SULT2B1: variants seen among roughly 807,000 people sequenced by gnomAD.
SULT2B1 encodes sulfotransferase family 2B member 1.
SULT2B1 carries 16 observed loss-of-function variants against 33.2 expected under a neutral mutation model. That is an observed-to-expected ratio of 0.48 (90% CI 0.33 to 0.73). The LOEUF (loss-of-function observed/expected upper bound fraction) is 0.73. Among genes scored for constraint, SULT2B1 ranks in the 30% least tolerant of loss-of-function variants. The pLI, the probability that SULT2B1 is intolerant of heterozygous loss-of-function variation, is 0.02. For missense variants in SULT2B1, 500 were observed against 506.0 expected, an observed-to-expected ratio of 0.99 and a Z score of 0.11; for synonymous variants, 186 against 200.5, an observed-to-expected ratio of 0.93 and a Z score of 0.61.
intron 1 of SULT2B1, among the ~76,000 whole-genome samples, chr19:48,553,374 A>C (rs1973052706): frequency 6.6e-6 from 1 of 152,142 alleles, no homozygotes; most frequent in Non-Finnish European, 1.5e-5. Flanking sequence ...ATGGCACGAT[A>C]TCAGCTCACT....
chr19:48,587,370 C>A lies in SULT2B1; in HGVS notation c.356C>A (p.Pro119His). 1 of 1,614,074 alleles carries A rather than the reference C, an allele frequency of 6.2e-7. No individual in the cohort carries two copies. The highest frequency in any genetic ancestry group is 8.5e-7 in the Non-Finnish European group (1 of 1,180,008). The part of the protein sequence containing the change: ...GAFSLPDQYS[P>H]RLMSSHLPIQ... The stretch of plus-strand genomic sequence containing the variant: ...TTCAGCCTCCCGGACCAGTACAGCC[C>A]CCGCCTCATGAGCTCCCATCTTCCC... The change falls in exon 3 of 7, where the codon CCC becomes CAC. Residue 119 changes from proline to histidine, a missense_variant. Pro to His is a moderately conservative substitution (Grantham distance 77, BLOSUM62 -2). Coordinates refer to ENST00000201586, the MANE Select transcript of SULT2B1 (RefSeq NM_177973.2).
chr19:48,573,923 G>C (rs185523439), intron 1 of SULT2B1, among the ~76,000 whole-genome samples: 13 of 152,044 alleles, frequency 8.6e-5, no homozygotes, highest in Non-Finnish European at 1.8e-4. Context: ...GTGCAGTGGC[G>C]CAATCTCAGC....
intron 1 of SULT2B1, among the ~76,000 whole-genome samples, chr19:48,558,690 T>TTTG (rs1199805584): frequency 1.4e-5 from 2 of 143,524 alleles, no homozygotes; most frequent in African/African-American, 2.6e-5. Context: ...TTTTTTTTTT[T>TTTG]TTTTTTTTTT....
At chr19:48,598,935 A>G (rs1973759897) in intron 6 of SULT2B1, among the ~76,000 whole-genome samples, 200 bp from the exon 7 acceptor site, 1 of 151,950 alleles carries the variant, frequency 6.6e-6, no homozygotes, top group Non-Finnish European at 1.5e-5. Flanking sequence ...CGGAGGTGAG[A>G]ACGGCGCCAG....
intron 1 of SULT2B1, among the ~76,000 whole-genome samples, chr19:48,572,513 C>CAA (rs35503043): frequency 2.7e-5 from 4 of 150,542 alleles, no homozygotes; most frequent in Non-Finnish European, 4.4e-5. Flanking sequence ...GACTCCATCT[C>CAA]AAAAAAAATT....
chr19:48,573,856 G>A (rs192336758), intron 1 of SULT2B1, among the ~76,000 whole-genome samples: 156 of 152,070 alleles, frequency 1.0e-3, no homozygotes, highest in African/African-American at 3.6e-3. Flanking sequence ...CACGACAATT[G>A]GTTTGTTTCT....
intron 1 of SULT2B1, among the ~76,000 whole-genome samples, chr19:48,562,516 T>C (rs1973195559): frequency 6.6e-6 from 1 of 152,082 alleles, no homozygotes; most frequent in Admixed American, 6.6e-5. Flanking sequence ...CACACCATTG[T>C]ACTGCAGCCT....
At chr19:48,575,170 A>G (rs4801766) in intron 1 of SULT2B1, among the ~76,000 whole-genome samples, 74,511 of 138,284 alleles carry the variant, frequency 0.54, 19,670 homozygotes, top group African/African-American at 0.61. Context: ...GTGCAATGGC[A>G]CAGTCTCGGC....
chr19:48,585,759 A>C (rs1401468683), intron 2 of SULT2B1, among the ~76,000 whole-genome samples: 1 of 152,172 alleles, frequency 6.6e-6, no homozygotes, highest in Non-Finnish European at 1.5e-5. Flanking sequence ...CAGCACACCA[A>C]CATGGCACAT....
rs373714154 is a variant in SULT2B1, at chr19:48,559,223, G to A, written c.71+6900G>A. On this transcript the variant is annotated intron_variant, in intron 1 of 6. Transcript: ENST00000201586. ...CCTTGAAGAGTGAGGGACAGGATGC[G>A]TTTTCCTTTCCACTCGCTCTTTGGG... is the stretch of plus-strand genomic sequence containing the variant. Among the ~76,000 whole-genome samples the A allele has an allele frequency of 1.1e-4, 17 of 152,222 alleles. No homozygotes were observed. In the East Asian group the frequency reaches 2.5e-3, roughly 22 times the overall value.
intron 5 of SULT2B1, among the ~76,000 whole-genome samples, chr19:48,595,434 T>C (rs1377228901): frequency 6.6e-6 from 1 of 152,030 alleles, no homozygotes; most frequent in Non-Finnish European, 1.5e-5. Context: ...AAGCTGATGG[T>C]GGGATCGGCA....
chr19:48,586,640 TG>T (rs1339563388), intron 2 of SULT2B1, among the ~76,000 whole-genome samples: 2 of 152,170 alleles, frequency 1.3e-5, no homozygotes, highest in Non-Finnish European at 2.9e-5. Context: ...GAAATGGGGT[TG>T]GGTGGACAGC....
At chr19:48,579,201 T>C (rs1172932835) in intron 2 of SULT2B1, among the ~76,000 whole-genome samples, 3 of 152,206 alleles carry the variant, frequency 2.0e-5, no homozygotes, top group Non-Finnish European at 4.4e-5. Flanking sequence ...ATTTTATTTA[T>C]TCATCAGTTG....
rs377692774 is a variant in SULT2B1, at chr19:48,591,702, G to A, written c.517G>A (p.Asp173Asn). 16 of 1,609,946 alleles carry A rather than the reference G, an allele frequency of 9.9e-6. No homozygotes were observed. The highest frequency in any genetic ancestry group is 3.4e-5 in the Admixed American group (2 of 59,276). ...GCAGTTAAAGGACCCGGGCACACCC[G>A]ACCAGTTCCTGAGGGACTTCCTCAA... is the stretch of plus-strand genomic sequence containing the variant. ...AGQLKDPGTP[D>N]QFLRDFLKGE... The change falls in exon 4 of 7, where the codon GAC becomes AAC. Residue 173 changes from aspartate (D) to asparagine (N), a missense_variant. By Grantham distance (23) the Asp-to-Asn change is conservative. Coordinates refer to ENST00000201586, the MANE Select transcript of SULT2B1 (RefSeq NM_177973.2).
chr19:48,554,688 G>A (rs1973074621), intron 1 of SULT2B1, among the ~76,000 whole-genome samples: 1 of 91,688 alleles, frequency 1.1e-5, no homozygotes, highest in Non-Finnish European at 1.9e-5. Flanking sequence ...TTTTGAGACT[G>A]AATCTGGCTC....
At chr19:48,582,641 A>C (rs1281710695) in intron 2 of SULT2B1, among the ~76,000 whole-genome samples, 8 of 152,108 alleles carry the variant, frequency 5.3e-5, no homozygotes, top group African/African-American at 1.9e-4. Context: ...TGAGGCCAGC[A>C]ATAGGAGACC....
intron 2 of SULT2B1, among the ~76,000 whole-genome samples, chr19:48,586,054 T>A (rs954194900): frequency 6.6e-6 from 1 of 151,384 alleles, no homozygotes; most frequent in African/African-American, 2.4e-5. Flanking sequence ...GTATGTCTTC[T>A]AAAAATAAAA....
chr19:48,590,232 AC>A (rs1315821635), intron 3 of SULT2B1, among the ~76,000 whole-genome samples: 1 of 151,652 alleles, frequency 6.6e-6, no homozygotes, highest in African/African-American at 2.4e-5. Flanking sequence ...CAGGTGATCC[AC>A]CCGCCTTAGC....
intron 1 of SULT2B1, among the ~76,000 whole-genome samples, chr19:48,563,223 C>A (rs183069945): frequency 2.9e-4 from 44 of 152,172 alleles, no homozygotes; most frequent in African/African-American, 9.9e-4. Context: ...AGCCTCCTAT[C>A]GGATCTTAAA....
Sources: allele counts gnomAD v4.1 joint callset (sites outside exome capture counted in the v4.1 genomes callset), GRCh38; gene constraint gnomAD v4.1.1; transcripts MANE v1.5; gene names NCBI Gene and HGNC (gene_info 2026-07-23, HGNC 2026-07-21).